PTPRT: variants seen among roughly 807,000 people sequenced by gnomAD.
The protein encoded by PTPRT is protein tyrosine phosphatase receptor type T.
A neutral mutation model predicts 176.8 loss-of-function variants in PTPRT; 56 were observed. The observed-to-expected ratio is 0.32, with a 90% CI of 0.26 to 0.40. The LOEUF (loss-of-function observed/expected upper bound fraction) is 0.40, where lower values mean the gene tolerates loss of function less well. PTPRT is among the 10% of genes least tolerant of loss of function. PTPRT has a pLI of 1.00. For synonymous variants in PTPRT, 783 were observed against 739.0 expected (o/e 1.06, Z -0.96); for missense variants, 1,540 against 1,908.2 (o/e 0.81, Z 3.60).
chr20:42,301,024 G>A (rs1383174605), intron 12 of PTPRT, among the ~76,000 whole-genome samples: 2 of 152,068 alleles, frequency 1.3e-5, no homozygotes, highest in African/African-American at 4.8e-5. Context: ...CTTTGTAATA[G>A]TTGATTTCAA....
chr20:43,188,750 G>GGGGC (rs2015458591), intron 1 of PTPRT, among the ~76,000 whole-genome samples: 1 of 10,564 alleles, frequency 9.5e-5, no homozygotes, highest in Admixed American at 1.7e-3. Context: ...CGCTACTCTT[G>GGGGC]GGGGGGGGGG....
chr20:42,734,917 G>A (rs766689667), intron 6 of PTPRT, among the ~76,000 whole-genome samples: 7 of 152,156 alleles, frequency 4.6e-5, no homozygotes, highest in South Asian at 2.1e-4. Context: ...TTCAAACCAA[G>A]CCACATGGCC....
rs577604276 is a variant in PTPRT at position 42,530,132 on chromosome 20, A to G, written c.1154-57570T>C. Among the ~76,000 whole-genome samples the G allele has an allele frequency of 5.8e-4, 88 of 152,320 alleles. 2 individuals carry two copies. The highest frequency in any genetic ancestry group is 5.2e-3 in the Admixed American group (80 of 15,302). ...TAGTTGATTTCATCTATCTTGAGAAAAGAGAAGGCTTGTACATAGGCCGAT... is the reference window on the plus strand; with the variant it reads ...TAGTTGATTTCATCTATCTTGAGAAGAGAGAAGGCTTGTACATAGGCCGAT... On this transcript the variant is annotated intron_variant, in intron 7 of 30. Transcript: ENST00000373187.
chr20:42,478,166 A>G (rs557075314), intron 7 of PTPRT, among the ~76,000 whole-genome samples: 1 of 152,272 alleles, frequency 6.6e-6, no homozygotes, highest in Non-Finnish European at 1.5e-5. Context: ...TGCTGTGCAC[A>G]CACATATGTG....
chr20:42,163,775 T>A (rs1485839397), intron 16 of PTPRT, among the ~76,000 whole-genome samples: 1 of 152,190 alleles, frequency 6.6e-6, no homozygotes, highest in Non-Finnish European at 1.5e-5. Context: ...CTGTAACAGA[T>A]GGTGCAAGGC....
intron 7 of PTPRT, among the ~76,000 whole-genome samples, chr20:42,505,664 T>A (rs2071831671): frequency 6.6e-6 from 1 of 152,102 alleles, no homozygotes; most frequent in Non-Finnish European, 1.5e-5. Context: ...TTTGTTGAAA[T>A]GACAGAATTT....
chr20:42,778,602 T>C (rs879755044), intron 4 of PTPRT, among the ~76,000 whole-genome samples: 1 of 152,110 alleles, frequency 6.6e-6, no homozygotes, highest in Non-Finnish European at 1.5e-5. Context: ...ACCTCGAAAC[T>C]GGAGGTAGTG....
intron 2 of PTPRT, among the ~76,000 whole-genome samples, chr20:42,812,023 C>A (rs187379977): frequency 2.0e-5 from 3 of 152,034 alleles, no homozygotes; most frequent in African/African-American, 7.2e-5. Context: ...ACCATTCTTT[C>A]ATCTTTGACA....
chr20:43,153,857 A>C (rs529731389), intron 1 of PTPRT, among the ~76,000 whole-genome samples: 2 of 152,222 alleles, frequency 1.3e-5, no homozygotes, highest in Non-Finnish European at 2.9e-5. Context: ...AAATTATAGC[A>C]AGAACATGAG....
intron 9 of PTPRT, among the ~76,000 whole-genome samples, chr20:42,386,398 A>T (rs1163589595): frequency 6.6e-6 from 1 of 152,140 alleles, no homozygotes; most frequent in Non-Finnish European, 1.5e-5. Flanking sequence ...AACTGAGAGA[A>T]TTTGAAGATC....
chr20:42,660,403 C>T (rs145116329), intron 7 of PTPRT, among the ~76,000 whole-genome samples: 5 of 152,102 alleles, frequency 3.3e-5, no homozygotes, highest in African/African-American at 9.6e-5. Flanking sequence ...ATTCCAGCAA[C>T]GGTGCTGGAA....
intron 16 of PTPRT, among the ~76,000 whole-genome samples, chr20:42,165,309 T>C (rs1464212884): frequency 1.3e-5 from 2 of 152,200 alleles, no homozygotes; most frequent in Non-Finnish European, 2.9e-5. Flanking sequence ...TACTGTACAA[T>C]GCACGTTAGA....
At chr20:42,374,907 A>G (rs1175476840) in intron 9 of PTPRT, among the ~76,000 whole-genome samples, 3 of 152,222 alleles carry the variant, frequency 2.0e-5, no homozygotes, top group African/African-American at 7.2e-5. Flanking sequence ...GAATCACAGC[A>G]AAACAAAACC....
intron 18 of PTPRT, among the ~76,000 whole-genome samples, chr20:42,131,696 C>T (rs532400595): frequency 6.6e-6 from 1 of 152,300 alleles, no homozygotes; most frequent in Non-Finnish European, 1.5e-5. Context: ...TAAGAAAGTG[C>T]TATCAAATGT....
At chr20:42,948,379 C>G (rs945929190) in intron 1 of PTPRT, among the ~76,000 whole-genome samples, 3 of 152,162 alleles carry the variant, frequency 2.0e-5, no homozygotes, top group African/African-American at 7.2e-5. Flanking sequence ...CTCCAGCCTG[C>G]CCCAGGTATG....
At chr20:42,768,454 G>C (rs2077016519) in intron 5 of PTPRT, among the ~76,000 whole-genome samples, 1 of 152,164 alleles carries the variant, frequency 6.6e-6, no homozygotes. Flanking sequence ...TTCTTCACAG[G>C]GACTCCTGGG....
At chr20:42,118,152 T>C (rs1350364990) in intron 21 of PTPRT, among the ~76,000 whole-genome samples, 1 of 152,150 alleles carries the variant, frequency 6.6e-6, no homozygotes, top group Non-Finnish European at 1.5e-5. Flanking sequence ...GAACGACTGA[T>C]GGTTTTAATT....
the PTPRT span, among the ~76,000 whole-genome samples, chr20:42,056,950 G>T: frequency 4.6e-5 from 7 of 152,240 alleles, no homozygotes. Flanking sequence ...AGATCCCAGC[G>T]CAATCATCCC....
Position 42,754,816 on chromosome 20 carries a change from C to T in PTPRT, c.859+1646G>A, listed in dbSNP as rs1196176630. 2.6e-5 allele frequency among the ~76,000 whole-genome samples: 4 copies of T among 152,146 alleles called. No homozygotes were observed. The East Asian group carries it at 7.8e-4, about 29-fold the overall frequency. ...TAATTCATTCACTCTTCTATCAGTC[C>T]ACACATTTTTTCAAGTTGAGCCTTG... On this transcript the variant is annotated intron_variant, in intron 6 of 30. Transcript: ENST00000373187.
Sources: allele counts gnomAD v4.1 joint callset (sites outside exome capture counted in the v4.1 genomes callset), GRCh38; gene constraint gnomAD v4.1.1; transcripts MANE v1.5; gene names NCBI Gene and HGNC (gene_info 2026-07-23, HGNC 2026-07-21).